The following BAZ2B variants were observed in gnomAD, a reference collection of about 807,000 sequenced individuals.
The protein encoded by BAZ2B is bromodomain adjacent to zinc finger domain protein 2B.
A neutral mutation model predicts 246.0 loss-of-function variants in BAZ2B; 91 were observed. The observed-to-expected ratio is 0.37, with a 90% confidence interval of 0.31 to 0.44. The LOEUF (loss-of-function observed/expected upper bound fraction) is 0.44, where lower values mean the gene tolerates loss of function less well. BAZ2B is among the 20% of genes least tolerant of loss of function. BAZ2B has a pLI of 1.00. For missense variants in BAZ2B, 2,332 were observed against 2,533.7 expected (o/e 0.92, Z 1.71); for synonymous variants, 855 against 860.0 (o/e 0.99, Z 0.10).
At chr2:159,488,951 G>T (rs994101433) in intron 2 of BAZ2B, among the ~76,000 whole-genome samples, 1 of 152,032 alleles carries the variant, frequency 6.6e-6, no homozygotes, top group Non-Finnish European at 1.5e-5. Flanking sequence ...ACACTAAAAA[G>T]AAATAATTTT....
the BAZ2B span, among the ~76,000 whole-genome samples, chr2:159,698,098 G>C: frequency 1.3e-5 from 2 of 152,118 alleles, no homozygotes; most frequent in African/African-American, 4.8e-5. Flanking sequence ...AGACTCCATT[G>C]CAAATTACTA....
At chr2:159,429,134 AAGT>A (rs2150143778) in intron 11 of BAZ2B, 63 bp downstream of exon 11, 1 of 1,052,820 alleles carries the variant, frequency 9.5e-7, no homozygotes, top group Non-Finnish European at 1.3e-6. Flanking sequence ...ATGAGAAATC[AAGT>A]ATACATCAAA....
At chr2:159,380,726 A>G (rs189975166) in intron 25 of BAZ2B, among the ~76,000 whole-genome samples, 1 of 152,250 alleles carries the variant, frequency 6.6e-6, no homozygotes, top group Admixed American at 6.5e-5. Context: ...GAGGGTACCT[A>G]CAGGTACCAG....
chr2:159,604,963 C>T (rs977966079), intron 1 of BAZ2B, among the ~76,000 whole-genome samples: 2 of 145,372 alleles, frequency 1.4e-5, no homozygotes, highest in African/African-American at 2.5e-5. Context: ...CGCGTGTGTG[C>T]GCGCGCTAGG....
At chr2:159,698,001 A>T in the BAZ2B span, among the ~76,000 whole-genome samples, 1 of 152,184 alleles carries the variant, frequency 6.6e-6, no homozygotes, top group Non-Finnish European at 1.5e-5. Flanking sequence ...TTTTCATATG[A>T]AATATGGAAT....
At chr2:159,352,871 G>T (rs2058705902) in intron 27 of BAZ2B, among the ~76,000 whole-genome samples, 1 of 152,194 alleles carries the variant, frequency 6.6e-6, no homozygotes, top group African/African-American at 2.4e-5. Flanking sequence ...CAGGCACAGT[G>T]GCATGCACCT....
Position 159,361,012 on chromosome 2 carries a change from A to G in BAZ2B, c.4214-10655T>C, listed in dbSNP as rs187233586. 3.0e-4 allele frequency among the ~76,000 whole-genome samples: 45 copies of G among 152,304 alleles called. No homozygotes were observed. In the East Asian group the frequency reaches 8.5e-3, roughly 29 times the overall value. On this transcript the variant is annotated intron_variant, in intron 27 of 36. Transcript: ENST00000392783. Reference sequence around the variant, plus strand: ...CCATAAAAACCCTAGAACAAAACCTAGGCAATACCATTCAGGACATAGGCA... The same window carrying G: ...CCATAAAAACCCTAGAACAAAACCTGGGCAATACCATTCAGGACATAGGCA...
At chr2:159,363,498 G>A (rs973782071) in intron 27 of BAZ2B, among the ~76,000 whole-genome samples, 1 of 152,152 alleles carries the variant, frequency 6.6e-6, no homozygotes, top group African/African-American at 2.4e-5. Flanking sequence ...ACATGAAATA[G>A]TTCTTTTTAG....
intron 1 of BAZ2B, among the ~76,000 whole-genome samples, chr2:159,591,982 T>C (rs545647198): frequency 5.3e-5 from 8 of 152,144 alleles, no homozygotes; most frequent in Admixed American, 2.6e-4. Flanking sequence ...CAGCCAGGCA[T>C]GATGGTGGGT....
At chr2:159,475,182 A>T (rs1367483556) in intron 3 of BAZ2B, among the ~76,000 whole-genome samples, 1 of 152,110 alleles carries the variant, frequency 6.6e-6, no homozygotes, top group East Asian at 1.9e-4. Flanking sequence ...TGTCACTTTC[A>T]GGTGCACCAA....
intron 27 of BAZ2B, among the ~76,000 whole-genome samples, chr2:159,361,067 A>C (rs879758070): frequency 1.3e-5 from 2 of 152,228 alleles, no homozygotes; most frequent in Non-Finnish European, 2.9e-5. Flanking sequence ...TAAAACACTA[A>C]AAGCAATGGC....
chr2:159,340,108 C>T (rs1168166292), intron 31 of BAZ2B, among the ~76,000 whole-genome samples: 1 of 151,306 alleles, frequency 6.6e-6, no homozygotes, highest in Non-Finnish European at 1.5e-5. Flanking sequence ...CTAAATAATT[C>T]AATGAATAAA....
At chr2:159,587,371 C>T (rs539144974) in intron 1 of BAZ2B, among the ~76,000 whole-genome samples, 9 of 152,156 alleles carry the variant, frequency 5.9e-5, no homozygotes, top group Non-Finnish European at 1.3e-4. Flanking sequence ...CGAGCCACCA[C>T]GCTCGACGCA....
At chr2:159,633,698 A>G in the BAZ2B span, among the ~76,000 whole-genome samples, 14 of 151,548 alleles carry the variant, frequency 9.2e-5, no homozygotes, top group African/African-American at 3.4e-4. Flanking sequence ...GTTGGAAACC[A>G]GAGTTTTTAT....
intron 27 of BAZ2B, among the ~76,000 whole-genome samples, chr2:159,361,263 A>G (rs536740877): frequency 6.6e-6 from 1 of 152,306 alleles, no homozygotes; most frequent in East Asian, 1.9e-4. Context: ...AAGAAAATAT[A>G]AACAACCCCA....
chr2:159,347,420 G>T, intron 31 of BAZ2B, 66 bp downstream of exon 31: 1 of 1,463,210 alleles, frequency 6.8e-7, no homozygotes, highest in Non-Finnish European at 9.6e-7. Flanking sequence ...CATATATTAG[G>T]CAAGTAATAA....
At chr2:159,510,183 T>C (rs1325023467) in intron 2 of BAZ2B, among the ~76,000 whole-genome samples, 1 of 152,126 alleles carries the variant, frequency 6.6e-6, no homozygotes, top group Non-Finnish European at 1.5e-5. Flanking sequence ...TGCTTTTTTT[T>C]ATTTTTAAAT....
the BAZ2B span, among the ~76,000 whole-genome samples, chr2:159,688,643 C>G: frequency 2.0e-5 from 3 of 152,194 alleles, no homozygotes; most frequent in Non-Finnish European, 4.4e-5. Flanking sequence ...TGGTTCCATT[C>G]TAACCCATGA....
At chr2:159,462,309 CTT>C (rs1487058782) in intron 3 of BAZ2B, 6 of 801,316 alleles carry the variant, frequency 7.5e-6, no homozygotes, top group South Asian at 1.7e-5. Flanking sequence ...AAATATCACT[CTT>C]GTTTATAAAT....
Sources: gnomAD v4.1 joint callset for allele counts (sites outside exome capture counted in the v4.1 genomes callset) on GRCh38, gnomAD v4.1.1 for gene constraint, MANE v1.5 for transcripts, NCBI Gene and HGNC (gene_info 2026-07-23, HGNC 2026-07-21) for gene names.